The following ITFG1 variants were observed in gnomAD, a reference collection of about 807,000 sequenced individuals.
ITFG1 encodes the protein T-cell immunomodulatory protein.
In ITFG1, 34 loss-of-function variants were observed where a neutral mutation model predicts 81.8. The ratio of observed to expected loss-of-function variants is 0.42; its 90% CI spans 0.32 to 0.55. ITFG1 has a LOEUF of 0.55. Among genes scored for constraint, ITFG1 ranks in the 20% least tolerant of loss-of-function variants. ITFG1 has a pLI of 0.17. For missense variants in ITFG1, 672 were observed against 755.4 expected, an observed-to-expected ratio of 0.89 and a Z score of 1.29; for synonymous variants, 285 against 270.6, an observed-to-expected ratio of 1.05 and a Z score of -0.52.
chr16:47,418,892 T>C (rs1968905951), intron 6 of ITFG1, among the ~76,000 whole-genome samples: 1 of 152,234 alleles, frequency 6.6e-6, no homozygotes, highest in African/African-American at 2.4e-5. Flanking sequence ...TGTTGTTTCA[T>C]AAAAATTTTA....
chr16:47,302,073 A>G (rs561353396), intron 10 of ITFG1, among the ~76,000 whole-genome samples: 59 of 152,318 alleles, frequency 3.9e-4, no homozygotes, highest in African/African-American at 1.3e-3. Flanking sequence ...GTTTCTGATT[A>G]TAAAAGCAAT....
chr16:47,281,187 A>G (rs1268939983), intron 10 of ITFG1, among the ~76,000 whole-genome samples: 1 of 152,134 alleles, frequency 6.6e-6, no homozygotes, highest in Non-Finnish European at 1.5e-5. Context: ...AATCCTTAAC[A>G]AATGTAGAGT....
intron 10 of ITFG1, among the ~76,000 whole-genome samples, chr16:47,286,601 T>C (rs1187433519): frequency 6.6e-6 from 1 of 151,346 alleles, no homozygotes; most frequent in Non-Finnish European, 1.5e-5. Context: ...GATCATACCA[T>C]TGCACTCCAG....
At chr16:47,385,647 TAC>T (rs1968451905) in intron 6 of ITFG1, among the ~76,000 whole-genome samples, 1 of 152,388 alleles carries the variant, frequency 6.6e-6, no homozygotes, top group East Asian at 1.9e-4. Context: ...GAGTAAACCT[TAC>T]AGTGACTAAG....
chr16:47,353,304 T>A (rs189027402), intron 8 of ITFG1, among the ~76,000 whole-genome samples: 2 of 152,114 alleles, frequency 1.3e-5, no homozygotes, highest in East Asian at 3.9e-4. Flanking sequence ...TAAATGAGAT[T>A]GACAATAATA....
At chr16:47,192,916 T>G (rs1723625271) in intron 14 of ITFG1, among the ~76,000 whole-genome samples, 1 of 152,210 alleles carries the variant, frequency 6.6e-6, no homozygotes. Flanking sequence ...ATTCTCAGTC[T>G]CTAGCAATTA....
At chr16:47,351,833 A>G (rs187775137) in intron 8 of ITFG1, among the ~76,000 whole-genome samples, 73 of 152,370 alleles carry the variant, frequency 4.8e-4, no homozygotes, top group Non-Finnish European at 7.8e-4. Context: ...TACAGTAACC[A>G]CAACAGCCAT....
intron 10 of ITFG1, among the ~76,000 whole-genome samples, chr16:47,306,653 A>T (rs879105024): frequency 1.6e-5 from 2 of 122,310 alleles, no homozygotes; most frequent in Non-Finnish European, 3.2e-5. Context: ...GTAAAAAATT[A>T]AAAAAAAAAC....
chr16:47,420,054 T>C (rs997699661), intron 6 of ITFG1, among the ~76,000 whole-genome samples: 4 of 151,876 alleles, frequency 2.6e-5, no homozygotes, highest in African/African-American at 9.7e-5. Context: ...AGTGCTGAGA[T>C]TACAGGCACG....
intron 14 of ITFG1, among the ~76,000 whole-genome samples, chr16:47,207,391 T>C (rs1965513704): frequency 6.6e-6 from 1 of 152,202 alleles, no homozygotes; most frequent in South Asian, 2.1e-4. Context: ...GCCTGCTCTC[T>C]TATATTCTAA....
At chr16:47,241,565 T>C (rs887405984) in intron 12 of ITFG1, among the ~76,000 whole-genome samples, 1 of 152,210 alleles carries the variant, frequency 6.6e-6, no homozygotes, top group Admixed American at 6.5e-5. Flanking sequence ...ATATATTATA[T>C]GACCCCATTT....
Position 47,173,195 on chromosome 16 carries a change from C to T in ITFG1, c.1454-10531G>A, listed in dbSNP as rs114135436. ...ATCAAAGACCCTCTTGCCCAGCAAT[C>T]CCAATCCCTTTTACTCTGCTTTATT... On this transcript the variant is annotated intron_variant, in intron 14 of 17. Transcript: ENST00000320640. Among the ~76,000 whole-genome samples the T allele has an allele frequency of 1.6e-3, 249 of 152,302 alleles. 2 individuals carry two copies. Among genetic ancestry groups the T allele is most frequent in the African/African-American group, 5.5e-3 (230 of 41,570 alleles).
intron 8 of ITFG1, among the ~76,000 whole-genome samples, chr16:47,340,529 T>C (rs572540375): frequency 2.0e-5 from 3 of 152,118 alleles, no homozygotes; most frequent in East Asian, 1.9e-4. Flanking sequence ...CACGAAAATA[T>C]AGAATATGTG....
intron 16 of ITFG1, 144 bp downstream of exon 16, chr16:47,161,606 C>G: frequency 1.9e-6 from 1 of 516,190 alleles, no homozygotes; most frequent in Non-Finnish European, 3.6e-6. Flanking sequence ...TATGTTTAGT[C>G]ATTTAAAGTT....
chr16:47,220,667 C>T lies in ITFG1; in HGVS notation c.1375-1721G>A, dbSNP rs146709896. Among the ~76,000 whole-genome samples the T allele has an allele frequency of 2.6e-3, 402 of 152,286 alleles. 2 individuals carry two copies. Among genetic ancestry groups the T allele is most frequent in the African/African-American group, 9.2e-3 (383 of 41,560 alleles). On this transcript the variant is annotated intron_variant, in intron 13 of 17. Transcript: ENST00000320640. ...TAAAATGTGTTAACATGAGGAAGAT[C>T]TGCATAACTCAGTAAACCAAAATTT... is the stretch of plus-strand genomic sequence containing the variant.
intron 8 of ITFG1, among the ~76,000 whole-genome samples, chr16:47,359,289 T>C (rs2151584632): frequency 6.6e-6 from 1 of 152,332 alleles, no homozygotes; most frequent in Non-Finnish European, 1.5e-5. Flanking sequence ...CTCCCATTTG[T>C]ATTTCATTTT....
intron 6 of ITFG1, among the ~76,000 whole-genome samples, chr16:47,385,394 T>C (rs1467707014): frequency 1.3e-5 from 2 of 152,236 alleles, no homozygotes; most frequent in East Asian, 1.9e-4. Flanking sequence ...CAATCTGAAG[T>C]TGGTAATTCT....
At chr16:47,197,804 G>C (rs1336764375) in intron 14 of ITFG1, among the ~76,000 whole-genome samples, 1 of 152,130 alleles carries the variant, frequency 6.6e-6, no homozygotes, top group Non-Finnish European at 1.5e-5. Context: ...AGAGAGCCTT[G>C]GCCACATTTC....
At chr16:47,189,195 T>C (rs955746439) in intron 14 of ITFG1, among the ~76,000 whole-genome samples, 1 of 152,246 alleles carries the variant, frequency 6.6e-6, no homozygotes, top group African/African-American at 2.4e-5. Context: ...TTTTTATGTT[T>C]CTTCTTTTGT....
Sources: gnomAD v4.1 joint callset for allele counts (sites outside exome capture counted in the v4.1 genomes callset) on GRCh38, gnomAD v4.1.1 for gene constraint, MANE v1.5 for transcripts, NCBI Gene and HGNC (gene_info 2026-07-23, HGNC 2026-07-21) for gene names.